LINGO2: variants seen among roughly 807,000 people sequenced by gnomAD.
LINGO2 encodes the protein leucine rich repeat and Ig domain containing 2.
In LINGO2, 14 loss-of-function variants were observed where a neutral mutation model predicts 30.6. That is an observed-to-expected ratio of 0.46 (90% CI 0.30 to 0.72). The LOEUF (loss-of-function observed/expected upper bound fraction) is 0.72, where lower values mean the gene tolerates loss of function less well. LINGO2 is among the 30% of genes least tolerant of loss of function. The pLI is 0.07. For missense variants in LINGO2, 729 were observed against 751.7 expected (o/e 0.97, Z 0.35); for synonymous variants, 317 against 288.5 (o/e 1.10, Z -1.00).
chr9:28,735,541 T>C, the LINGO2 span, among the ~76,000 whole-genome samples: 2 of 152,156 alleles, frequency 1.3e-5, no homozygotes, highest in African/African-American at 4.8e-5. Context: ...CAAGTTATTA[T>C]AATTATCTTA....
chr9:29,049,011 C>G, the LINGO2 span, among the ~76,000 whole-genome samples: 1 of 152,076 alleles, frequency 6.6e-6, no homozygotes, highest in African/African-American at 2.4e-5. Context: ...AATAAACAAT[C>G]AACAGAATGA....
intron 4 of LINGO2, among the ~76,000 whole-genome samples, chr9:28,158,717 T>G (rs965073090): frequency 4.6e-5 from 7 of 152,128 alleles, no homozygotes; most frequent in African/African-American, 1.7e-4. Flanking sequence ...CAATTGCTAT[T>G]TCCACTTAGT....
intron 1 of LINGO2, among the ~76,000 whole-genome samples, chr9:28,609,142 T>G (rs1825808080): frequency 6.8e-6 from 1 of 147,438 alleles, no homozygotes; most frequent in African/African-American, 2.5e-5. Context: ...CAGTATGGAT[T>G]AATGAGCTAA....
At position 28,433,923 on chromosome 9, in the gene LINGO2, T is replaced by TTCTC. The variant is rs146254758; in HGVS notation, c.-279+42013_-279+42016dup. Among the ~76,000 whole-genome samples the TTCTC allele has an allele frequency of 7.9e-3, 865 of 109,934 alleles. 11 individuals carry two copies. The highest frequency in any genetic ancestry group is 0.015 in the Middle Eastern group (3 of 202). 72.1% of individuals were successfully genotyped at this position (109,934 alleles called of 152,430 possible). A position where few individuals can be genotyped will look rare whatever the true frequency, so the allele number is the denominator to read the frequency against. On this transcript the variant is annotated intron_variant, in intron 2 of 5. Coordinates refer to ENST00000379992, the Ensembl canonical transcript of LINGO2. ...TGGATAAAGAAAATGTGCTCTCTCT[T>TTCTC]TCTCTCTCTCTCTCTCTCTCTCTCT...
chr9:28,693,403 T>C, the LINGO2 span, among the ~76,000 whole-genome samples: 1 of 152,284 alleles, frequency 6.6e-6, no homozygotes, highest in South Asian at 2.1e-4. Flanking sequence ...ACTGCTCTCA[T>C]CCATCATACA....
chr9:28,969,046 G>A, the LINGO2 span, among the ~76,000 whole-genome samples: 7 of 151,886 alleles, frequency 4.6e-5, no homozygotes, highest in Admixed American at 4.6e-4. Context: ...AATTTTTTTT[G>A]AAAGTAAGAC....
At chr9:28,305,034 A>G (rs1384151343) in intron 3 of LINGO2, among the ~76,000 whole-genome samples, 1 of 152,072 alleles carries the variant, frequency 6.6e-6, no homozygotes, top group African/African-American at 2.4e-5. Context: ...CAACTTTACA[A>G]TAAAGATACA....
At chr9:28,378,773 A>G (rs1353150338) in intron 2 of LINGO2, among the ~76,000 whole-genome samples, 1 of 152,200 alleles carries the variant, frequency 6.6e-6, no homozygotes, top group African/African-American at 2.4e-5. Context: ...AATGATGTAT[A>G]TGACCTACTT....
At chr9:28,878,283 A>C in the LINGO2 span, among the ~76,000 whole-genome samples, 1 of 152,078 alleles carries the variant, frequency 6.6e-6, no homozygotes, top group Non-Finnish European at 1.5e-5. Flanking sequence ...CCAAGACTAA[A>C]CCAGGAAGAA....
intron 3 of LINGO2, among the ~76,000 whole-genome samples, chr9:28,355,208 A>C (rs988206301): frequency 1.3e-5 from 2 of 150,576 alleles, no homozygotes; most frequent in Non-Finnish European, 3.0e-5. Flanking sequence ...TTGTATTATA[A>C]ATCTCAAAAC....
At chr9:28,811,863 T>C in the LINGO2 span, among the ~76,000 whole-genome samples, 34 of 152,154 alleles carry the variant, frequency 2.2e-4, no homozygotes, top group Admixed American at 2.2e-3. Flanking sequence ...TATCTGTATG[T>C]CTTTACTTGA....
At chr9:29,197,531 C>T in the LINGO2 span, among the ~76,000 whole-genome samples, 6 of 151,882 alleles carry the variant, frequency 4.0e-5, no homozygotes, top group African/African-American at 7.3e-5. Context: ...GGCATTTATA[C>T]GCCAGAATGG....
At chr9:28,196,665 T>C (rs1820024498) in intron 4 of LINGO2, among the ~76,000 whole-genome samples, 1 of 151,958 alleles carries the variant, frequency 6.6e-6, no homozygotes, top group Non-Finnish European at 1.5e-5. Context: ...AGGGTATCAG[T>C]TCTCTTAAAT....
chr9:28,638,122 T>C (rs928598876), intron 1 of LINGO2, among the ~76,000 whole-genome samples: 14 of 152,230 alleles, frequency 9.2e-5, no homozygotes, highest in East Asian at 1.9e-4. Flanking sequence ...CTGGATTACG[T>C]TTATTGATTT....
chr9:28,463,081 G>C (rs1005418730), intron 2 of LINGO2, among the ~76,000 whole-genome samples: 2 of 151,944 alleles, frequency 1.3e-5, no homozygotes, highest in Admixed American at 6.6e-5. Flanking sequence ...ATTATCCTCA[G>C]GGAGTGATTA....
chr9:28,148,569 G>A lies in LINGO2; in HGVS notation c.-86-136164C>T, dbSNP rs1191528758. On this transcript the variant is annotated intron_variant, in intron 4 of 5. Transcript: ENST00000379992. This position sits in a 1 kb window ranked among gnomAD's most constrained non-coding sequence, Gnocchi z 5.1. ...ACCTCTAGGCCCCTGGAGACTCAGG[G>A]AAACTTCACTTCCTCCTGGTACAAT... is the stretch of plus-strand genomic sequence containing the variant. 7 of 1,506,620 alleles carry A rather than the reference G, an allele frequency of 4.6e-6. No homozygotes were observed. The South Asian group carries it at 7.2e-5, about 15-fold the overall frequency. 93.3% of individuals were successfully genotyped at this position (1,506,620 alleles called of 1,614,324 possible). A position where few individuals can be genotyped will look rare whatever the true frequency, so the allele number is the denominator to read the frequency against.
At chr9:28,408,804 G>C (rs1404487511) in intron 2 of LINGO2, among the ~76,000 whole-genome samples, 1 of 145,136 alleles carries the variant, frequency 6.9e-6, no homozygotes, top group Non-Finnish European at 1.5e-5. Flanking sequence ...AAAACAAATA[G>C]AAAGATGGCC....
At chr9:28,320,142 G>T (rs1427658045) in intron 3 of LINGO2, among the ~76,000 whole-genome samples, 1 of 152,012 alleles carries the variant, frequency 6.6e-6, no homozygotes, top group East Asian at 1.9e-4. Context: ...TTTTGCATTG[G>T]AAACATACAA....
chr9:28,316,873 G>C (rs76708401), intron 3 of LINGO2, among the ~76,000 whole-genome samples: 1 of 152,108 alleles, frequency 6.6e-6, no homozygotes, highest in African/African-American at 2.4e-5. Context: ...ACCCTTATCT[G>C]CTAGCCATCT....
Sources: gnomAD v4.1 joint callset for allele counts (sites outside exome capture counted in the v4.1 genomes callset) on GRCh38, gnomAD v4.1.1 for gene constraint, Gnocchi (gnomAD v3.1) non-coding constraint, MANE v1.5 for transcripts, NCBI Gene and HGNC (gene_info 2026-07-23, HGNC 2026-07-21) for gene names.